Variants in ELMO1 observed in about 807,000 individuals in gnomAD.
ELMO1 encodes engulfment and cell motility 1.
A neutral mutation model predicts 98.9 loss-of-function variants in ELMO1; 26 were observed. The ratio of observed to expected loss-of-function variants is 0.26; its 90% CI spans 0.19 to 0.36. The LOEUF (loss-of-function observed/expected upper bound fraction) is 0.36. Ranked by LOEUF, ELMO1 falls within the 10% of genes least tolerant of loss-of-function variation. The pLI is 1.00. For missense variants in ELMO1, 627 were observed against 935.2 expected (o/e 0.67, Z 4.30); for synonymous variants, 346 against 346.0 (o/e 1.00, Z 0.00).
chr7:37,388,362 TAC>T (rs1450132313), intron 1 of ELMO1, among the ~76,000 whole-genome samples: 6 of 151,452 alleles, frequency 4.0e-5, no homozygotes, highest in African/African-American at 7.3e-5. Context: ...CATTTTTTTG[TAC>T]AGTGTTGTAA....
At chr7:37,054,940 A>C (rs1438993333) in intron 15 of ELMO1, among the ~76,000 whole-genome samples, 1 of 152,256 alleles carries the variant, frequency 6.6e-6, no homozygotes, top group East Asian at 1.9e-4. Context: ...ATTCATGAAC[A>C]TATTAGCATA....
chr7:37,307,305 T>A (rs978537750), intron 4 of ELMO1, among the ~76,000 whole-genome samples: 2 of 152,156 alleles, frequency 1.3e-5, no homozygotes, highest in African/African-American at 4.8e-5. Context: ...GGTGGTTACC[T>A]CCATTCTGTT....
chr7:37,303,299 T>C (rs1363542878), intron 4 of ELMO1, among the ~76,000 whole-genome samples: 1 of 152,124 alleles, frequency 6.6e-6, no homozygotes, highest in African/African-American at 2.4e-5. Flanking sequence ...ATTTTAAAAA[T>C]AGAAAACAGA....
chr7:36,963,690 G>A (rs1001963345), intron 16 of ELMO1, among the ~76,000 whole-genome samples: 5 of 152,120 alleles, frequency 3.3e-5, no homozygotes, highest in African/African-American at 7.2e-5. Flanking sequence ...CTGAAATTTC[G>A]TAACAGTGTT....
chr7:37,448,497 G>A (rs1251863286), intron 1 of ELMO1, among the ~76,000 whole-genome samples, 178 bp downstream of exon 1: 2 of 151,912 alleles, frequency 1.3e-5, no homozygotes, highest in African/African-American at 4.8e-5. Flanking sequence ...CCTGCCGAGC[G>A]CGGCGGCCAC....
chr7:37,339,836 A>G (rs1006000943), intron 2 of ELMO1, among the ~76,000 whole-genome samples: 3 of 151,004 alleles, frequency 2.0e-5, no homozygotes, highest in Non-Finnish European at 4.4e-5. Context: ...ATCAAGAATT[A>G]GGCAATGCAA....
At chr7:37,024,954 C>G (rs1394428402) in intron 15 of ELMO1, among the ~76,000 whole-genome samples, 2 of 152,152 alleles carry the variant, frequency 1.3e-5, no homozygotes, top group African/African-American at 4.8e-5. Context: ...AACTGAAAGG[C>G]AAAATATGCA....
In ELMO1 at chr7:37,271,813, G is replaced by T. The variant is rs1269777886; in HGVS notation, c.243+19C>A. 1.2e-6 allele frequency: 2 copies of T among 1,612,682 alleles called. No individual in the cohort carries two copies. The highest frequency in any genetic ancestry group is 3.3e-5 in the Admixed American group (2 of 59,800). ...AGAGCAAAGAGTTTGCTGGAAGTCA[G>T]AAGCTAAGATCAACTTACTGGAGAT... On this transcript the variant is annotated intron_variant, in intron 5 of 21. Transcript: ENST00000310758.
At chr7:37,100,696 AC>A (rs1303223913) in intron 14 of ELMO1, among the ~76,000 whole-genome samples, 2 of 152,120 alleles carry the variant, frequency 1.3e-5, no homozygotes, top group Admixed American at 6.6e-5. Context: ...TCCACTGTGA[AC>A]CTTTTTCCAT....
chr7:37,249,262 A>T (rs1479962559), intron 6 of ELMO1, among the ~76,000 whole-genome samples: 1 of 152,210 alleles, frequency 6.6e-6, no homozygotes, highest in Non-Finnish European at 1.5e-5. Context: ...CTGTTCTTGT[A>T]TTAATGCAAA....
intron 1 of ELMO1, among the ~76,000 whole-genome samples, chr7:37,377,937 A>T (rs1396866151): frequency 6.6e-6 from 1 of 152,208 alleles, no homozygotes; most frequent in African/African-American, 2.4e-5. Context: ...CTCATCAAAG[A>T]GTACTTCAGC....
chr7:37,422,011 C>A (rs147804680), intron 1 of ELMO1, among the ~76,000 whole-genome samples: 55 of 152,298 alleles, frequency 3.6e-4, no homozygotes, highest in Middle Eastern at 3.4e-3. Context: ...AAAGGATGAC[C>A]TTTAAAGAAT....
At chr7:37,413,566 G>A (rs1804083236) in intron 1 of ELMO1, among the ~76,000 whole-genome samples, 1 of 152,144 alleles carries the variant, frequency 6.6e-6, no homozygotes, top group Non-Finnish European at 1.5e-5. Context: ...AATCCCCTTG[G>A]CCAAAAATGA....
At chr7:36,975,444 C>T (rs1790441901) in intron 16 of ELMO1, among the ~76,000 whole-genome samples, 1 of 151,884 alleles carries the variant, frequency 6.6e-6, no homozygotes, top group African/African-American at 2.4e-5. Context: ...TGCACTGCAG[C>T]CTGGGTGACA....
chr7:37,029,476 G>T (rs1486291029), intron 15 of ELMO1, among the ~76,000 whole-genome samples: 2 of 151,922 alleles, frequency 1.3e-5, no homozygotes, highest in Non-Finnish European at 2.9e-5. Context: ...CACAGAAAGA[G>T]CCTCAAAACC....
chr7:37,178,360 A>G (rs889356784), intron 13 of ELMO1, among the ~76,000 whole-genome samples: 1 of 151,628 alleles, frequency 6.6e-6, no homozygotes, highest in African/African-American at 2.4e-5. Context: ...AACTGCCCCC[A>G]TGATTCAATT....
At chr7:37,121,734 T>C (rs1301098381) in intron 14 of ELMO1, among the ~76,000 whole-genome samples, 1 of 152,166 alleles carries the variant, frequency 6.6e-6, no homozygotes. Flanking sequence ...TTCCCCAACC[T>C]AGCAAGGCAG....
At chr7:37,334,351 C>G (rs1024008242) in intron 2 of ELMO1, among the ~76,000 whole-genome samples, 1 of 152,168 alleles carries the variant, frequency 6.6e-6, no homozygotes, top group African/African-American at 2.4e-5. Flanking sequence ...GAAGCTGAGG[C>G]AGGAGAATCG....
chr7:37,086,759 A>AAAAG (rs1554407997), intron 15 of ELMO1, among the ~76,000 whole-genome samples: 7 of 127,892 alleles, frequency 5.5e-5, no homozygotes, highest in African/African-American at 1.5e-4. Flanking sequence ...AAAAAAAAAA[A>AAAAG]AAAAAAGAAA....
Sources: allele counts gnomAD v4.1 joint callset (sites outside exome capture counted in the v4.1 genomes callset), GRCh38; gene constraint gnomAD v4.1.1; transcripts MANE v1.5; gene names NCBI Gene and HGNC (gene_info 2026-07-23, HGNC 2026-07-21).